The following CD101 variants were observed in gnomAD, a reference collection of about 807,000 sequenced individuals.
The protein encoded by CD101 is immunoglobulin superfamily member 2.
Under a neutral mutation model 98.2 loss-of-function variants are expected in CD101, and 76 were observed. That is an observed-to-expected ratio of 0.77 (90% CI 0.64 to 0.94). CD101 has a LOEUF of 0.94. CD101 is among the 40% of genes least tolerant of loss of function. CD101 has a pLI of 0.00. For missense variants in CD101, 1,145 were observed against 1,218.8 expected (o/e 0.94, Z 0.90); for synonymous variants, 471 against 472.7 (o/e 1.00, Z 0.05).
Position 117,019,447 on chromosome 1 carries a change from G to T in CD101, c.2017+887G>T, listed in dbSNP as rs963778655. Among the ~76,000 whole-genome samples the T allele has an allele frequency of 6.6e-6, 1 of 151,914 alleles. No individual in the cohort carries two copies. Among genetic ancestry groups the T allele is most frequent in the Non-Finnish European group, 1.5e-5 (1 of 67,974 alleles). On this transcript the variant is annotated intron_variant, in intron 6 of 9. Transcript: ENST00000682167. This position sits in a 1 kb window ranked among gnomAD's most constrained non-coding sequence, Gnocchi z 4.3. Reference sequence around the variant, plus strand: ...TCATGAATTCATGCTTAATTAATTTGTCCTCTCTGTGGTATTTGCAATTGC... The same window carrying T: ...TCATGAATTCATGCTTAATTAATTTTTCCTCTCTGTGGTATTTGCAATTGC...
chr1:117,035,605 A>C (rs1309559043), intron 9 of CD101, among the ~76,000 whole-genome samples: 1 of 147,090 alleles, frequency 6.8e-6, no homozygotes, highest in Non-Finnish European at 1.5e-5. Flanking sequence ...GCTGGAGTGC[A>C]GTGGTGTGAC....
chr1:117,010,407 AATT>A lies in CD101; in HGVS notation c.424+180_424+182del, dbSNP rs1314821739. ...CAAGTGGGTATCTCATATTCTCTAAAATTATCTGTTTCTTTTTCTCAATTATCT... is the reference window on the plus strand; with the variant it reads ...CAAGTGGGTATCTCATATTCTCTAAAATCTGTTTCTTTTTCTCAATTATCT... On this transcript the variant is annotated intron_variant, in intron 2 of 9. Coordinates refer to ENST00000682167, the MANE Select transcript of CD101 (RefSeq NM_001256106.3). This position sits in a 1 kb window ranked among gnomAD's most constrained non-coding sequence, Gnocchi z 5.2. Among the ~76,000 whole-genome samples the A allele has an allele frequency of 6.6e-6, 1 of 152,118 alleles. No homozygotes were observed. Among genetic ancestry groups the A allele is most frequent in the East Asian group, 1.9e-4 (1 of 5,198 alleles).
rs1652807454 is a variant in CD101, at chr1:117,010,217, G to A, written c.411G>A (p.Lys137=). ...AATACTATGGAAGTTACAGTGCAAAGACTAATCTAATTGGTAAGTTGCTTG... is the reference window on the plus strand; with the variant it reads ...AATACTATGGAAGTTACAGTGCAAAAACTAATCTAATTGGTAAGTTGCTTG... ...DEKYYGSYSA[K]TNLIVIPDTL... The change falls in exon 2 of 10, where the codon AAG becomes AAA. Residue 137 remains lysine (K), a synonymous_variant. Transcript: ENST00000682167. The surrounding 1 kb of genome is among the most constrained non-coding windows in gnomAD (Gnocchi z 5.2). 2 of 1,607,676 alleles carry A rather than the reference G, an allele frequency of 1.2e-6. No homozygotes were observed. Among genetic ancestry groups the A allele is most frequent in the Non-Finnish European group, 1.7e-6 (2 of 1,174,978 alleles).
At chr1:117,029,139 GAAAGA>G (rs1654160981) in intron 8 of CD101, among the ~76,000 whole-genome samples, 2 of 75,382 alleles carry the variant, frequency 2.7e-5, no homozygotes, top group Admixed American at 1.4e-4. Flanking sequence ...CAGAAAGAAA[GAAAGA>G]AAGAAAGAAA....
rs774031943 is a variant in CD101, at chr1:117,017,274, G to A, written c.1413G>A (p.Leu471=). ...TGGGGCAGGATGGCATTGTGCAGCT[G>A]GGTGCCTCCTATGGGGTACCCAGTT... ...AGMGQDGIVQ[L]GASYGVPSYH... Residue 471 remains leucine (L), a synonymous_variant, in exon 5 of 10, where the codon CTG becomes CTA. Transcript: ENST00000682167. 1 of 1,614,246 alleles carries A rather than the reference G, an allele frequency of 6.2e-7. No homozygotes were observed. The highest frequency in any genetic ancestry group is 2.2e-5 in the East Asian group (1 of 44,884).
intron 1 of CD101, among the ~76,000 whole-genome samples, chr1:117,007,967 A>G (rs1379425910): frequency 6.6e-6 from 1 of 152,074 alleles, no homozygotes; most frequent in Non-Finnish European, 1.5e-5. Flanking sequence ...ATATTCTTTC[A>G]CACATAGCTT....
In CD101 at chr1:117,033,437, T is replaced by A. The variant is rs368908974; in HGVS notation, c.2825-423T>A. ...GTGTGTATGTGTGTGTGAGAAAGAGTGTGTGCCTGTGTGTTGGAGGAGCAG... is the reference window on the plus strand; with the variant it reads ...GTGTGTATGTGTGTGTGAGAAAGAGAGTGTGCCTGTGTGTTGGAGGAGCAG... On this transcript the variant is annotated intron_variant, in intron 8 of 9. Transcript: ENST00000682167. This position sits in a 1 kb window ranked among gnomAD's most constrained non-coding sequence, Gnocchi z 4.8. 6.6e-6 allele frequency among the ~76,000 whole-genome samples: 1 copy of A among 151,930 alleles called. No homozygotes were observed. Among genetic ancestry groups the A allele is most frequent in the East Asian group, 1.9e-4 (1 of 5,190 alleles).
At chr1:117,029,191 GAAA>G (rs748716137) in intron 8 of CD101, among the ~76,000 whole-genome samples, 9,997 of 83,628 alleles carry the variant, frequency 0.12, 1,371 homozygotes, top group Admixed American at 0.18. Context: ...AAGAAAGAAA[GAAA>G]GAAAGAAAGA....
intron 1 of CD101, 120 bp downstream of exon 1, chr1:117,001,980 T>G: frequency 1.1e-6 from 1 of 916,520 alleles, no homozygotes; most frequent in Non-Finnish European, 1.7e-6. Context: ...ATTTCTGATG[T>G]TAGCAATAAT....
Position 117,011,936 on chromosome 1 carries a change from G to T in CD101, c.811G>T (p.Asp271Tyr), listed in dbSNP as rs372656520. The change falls in exon 3 of 10, where the codon GAT (aspartate) becomes TAT (tyrosine). Residue 271 changes from aspartate to tyrosine, a missense_variant. Coordinates refer to ENST00000682167, the MANE Select transcript of CD101 (RefSeq NM_001256106.3). ...TWMFITKKQT[D>Y]QTTLRIQPAV... The stretch of plus-strand genomic sequence containing the variant: ...GATGTTCATCACCAAAAAGCAGACC[G>T]ATCAAACCACTCTGAGGATCCAGCC... The T allele has an allele frequency of 3.7e-6, 6 of 1,613,744 alleles. No homozygotes were observed. In the East Asian group the frequency reaches 1.3e-4, roughly 36 times the overall value.
chr1:117,030,093 G>A (rs1654351284), intron 8 of CD101, among the ~76,000 whole-genome samples: 2 of 152,094 alleles, frequency 1.3e-5, no homozygotes, highest in African/African-American at 2.4e-5. Flanking sequence ...TTTTATTTGG[G>A]TAAAGGTCTA....
At position 117,004,740 on chromosome 1, in the gene CD101, T is replaced by G. The variant is rs1461121522; in HGVS notation, c.43+2880T>G. Among the ~76,000 whole-genome samples, 1 of 152,152 alleles carries G rather than the reference T, an allele frequency of 6.6e-6. No individual in the cohort carries two copies. The highest frequency in any genetic ancestry group is 2.4e-5 in the African/African-American group (1 of 41,436). On this transcript the variant is annotated intron_variant, in intron 1 of 9. Coordinates refer to ENST00000682167, the MANE Select transcript of CD101 (RefSeq NM_001256106.3). The surrounding 1 kb of genome is among the most constrained non-coding windows in gnomAD (Gnocchi z 4.1). The stretch of plus-strand genomic sequence containing the variant: ...CCCAGTGCATAGCCATTTGAGTTGA[T>G]CTCTGCCAGTCATGCCTTCTACCTG...
rs772213838 is a variant in CD101 at position 117,021,772 on chromosome 1, G to A, written c.2217G>A (p.Gly739=). The change falls in exon 7 of 10, where the codon GGG becomes GGA. Residue 739 remains glycine (G), a synonymous_variant. Coordinates refer to ENST00000682167, the MANE Select transcript of CD101 (RefSeq NM_001256106.3). The surrounding 1 kb of genome is among the most constrained non-coding windows in gnomAD (Gnocchi z 4.7). ...EMDQTNVIKT[G]DEFHTPQRKQ... ...ACCAAACCAATGTTATAAAAACTGG[G>A]GATGAGTTTCACACCCCACAGAGAA... The A allele has an allele frequency of 9.9e-6, 16 of 1,613,794 alleles. No individual in the cohort carries two copies. The highest frequency in any genetic ancestry group is 4.5e-5 in the East Asian group (2 of 44,882).
Position 117,021,995 on chromosome 1 carries a change from G to T in CD101, c.2428+12G>T. On this transcript the variant is annotated intron_variant, in intron 7 of 9. Coordinates refer to ENST00000682167, the MANE Select transcript of CD101 (RefSeq NM_001256106.3). The surrounding 1 kb of genome is among the most constrained non-coding windows in gnomAD (Gnocchi z 4.7). ...ACTCAAGCCCACAGGTAAACCTTGC[G>T]AGTGTATCCTCACAATGTCTGTCTG... 1 of 1,588,786 alleles carries T rather than the reference G, an allele frequency of 6.3e-7. No homozygotes were observed. Among genetic ancestry groups the T allele is most frequent in the South Asian group, 1.2e-5 (1 of 86,590 alleles).
chr1:117,003,480 T>A (rs1252285126), intron 1 of CD101, among the ~76,000 whole-genome samples: 1 of 152,152 alleles, frequency 6.6e-6, no homozygotes, highest in Non-Finnish European at 1.5e-5. Context: ...ATAGGTGCAC[T>A]GGTGGGATCC....
intron 8 of CD101, among the ~76,000 whole-genome samples, chr1:117,030,462 G>T (rs1006943784): frequency 6.6e-6 from 1 of 151,182 alleles, no homozygotes; most frequent in Non-Finnish European, 1.5e-5. Context: ...AGAAAAGAAA[G>T]AAAAAAAGAG....
Position 117,019,134 on chromosome 1 carries a change from A to T in CD101, c.2017+574A>T, listed in dbSNP as rs966371010. ...TACCTAGGCAAAGTTCTGCTGTGTC[A>T]TGTATCTTCTCTCTTATAGTTTGCA... On this transcript the variant is annotated intron_variant, in intron 6 of 9. Coordinates refer to ENST00000682167, the MANE Select transcript of CD101 (RefSeq NM_001256106.3). The surrounding 1 kb of genome is among the most constrained non-coding windows in gnomAD (Gnocchi z 4.3). Among the ~76,000 whole-genome samples, 1 of 152,222 alleles carries T rather than the reference A, an allele frequency of 6.6e-6. No individual in the cohort carries two copies. The highest frequency in any genetic ancestry group is 1.9e-4 in the East Asian group (1 of 5,204).
intron 8 of CD101, among the ~76,000 whole-genome samples, chr1:117,027,943 G>A (rs925131988): frequency 2.0e-5 from 3 of 151,958 alleles, no homozygotes; most frequent in Non-Finnish European, 2.9e-5. Context: ...AAATTAGCCG[G>A]GCATGGTGGC....
At chr1:117,026,045 ATGACTTTGC>A in intron 8 of CD101, 141 bp downstream of exon 8, 1 of 872,108 alleles carries the variant, frequency 1.1e-6, no homozygotes, top group Non-Finnish European at 1.7e-6. Flanking sequence ...CCTAAAGAAG[ATGACTTTGC>A]TGTCTCTCTC....
Sources: gnomAD v4.1 joint callset for allele counts (sites outside exome capture counted in the v4.1 genomes callset) on GRCh38, gnomAD v4.1.1 for gene constraint, Gnocchi (gnomAD v3.1) non-coding constraint, MANE v1.5 for transcripts, NCBI Gene and HGNC (gene_info 2026-07-23, HGNC 2026-07-21) for gene names.